PRRC2B: variants seen among roughly 807,000 people sequenced by gnomAD.
PRRC2B encodes the protein proline rich coiled-coil 2B.
PRRC2B carries 68 observed loss-of-function variants against 242.3 expected under a neutral mutation model. The ratio of observed to expected loss-of-function variants is 0.28; its 90% CI spans 0.23 to 0.34. PRRC2B has a LOEUF of 0.34. Among genes scored for constraint, PRRC2B ranks in the 10% least tolerant of loss-of-function variants. The pLI is 1.00. For synonymous variants in PRRC2B, 1,228 were observed against 1,173.6 expected (o/e 1.05, Z -0.95); for missense variants, 2,835 against 2,954.8 (o/e 0.96, Z 0.94).
At chr9:131,389,915 G>GTTTTTT (rs1291046977), upstream of PRRC2B, among the ~76,000 whole-genome samples, 45 of 93,466 alleles carry the variant, frequency 4.8e-4, 5 homozygotes, top group Non-Finnish European at 6.2e-4. Flanking sequence ...GAACATGGTT[G>GTTTTTT]TTTTTTTTTT....
chr9:131,427,201 A>G (rs1376347196), intron 1 of PRRC2B, among the ~76,000 whole-genome samples: 1 of 152,230 alleles, frequency 6.6e-6, no homozygotes, highest in Non-Finnish European at 1.5e-5. Flanking sequence ...AATGAATGAA[A>G]GGATGGTTTG....
intron 1 of PRRC2B, among the ~76,000 whole-genome samples, chr9:131,422,961 T>C (rs533371840): frequency 4.6e-5 from 7 of 152,336 alleles, no homozygotes; most frequent in Admixed American, 3.9e-4. Flanking sequence ...CAGAATGCTC[T>C]AGCTCCCCGT....
chr9:131,470,269 G>T (rs921489416), intron 13 of PRRC2B, among the ~76,000 whole-genome samples: 2 of 152,102 alleles, frequency 1.3e-5, no homozygotes, highest in South Asian at 2.1e-4. Flanking sequence ...GGTGGAGAGC[G>T]GTGGAGAACC....
chr9:131,479,176 TGG>T (rs1943789152), intron 18 of PRRC2B, 74 bp from the exon 19 acceptor site: 34 of 1,479,494 alleles, frequency 2.3e-5, no homozygotes, highest in Non-Finnish European at 3.2e-5. Context: ...TTTTGGTACC[TGG>T]GATACTTATC....
At chr9:131,428,326 T>A (rs1041337367) in intron 1 of PRRC2B, among the ~76,000 whole-genome samples, 2 of 152,092 alleles carry the variant, frequency 1.3e-5, no homozygotes, top group African/African-American at 4.8e-5. Context: ...GCTCAAGTGA[T>A]CCTCCTGCCT....
rs532741381 is a variant in PRRC2B, at chr9:131,458,877, CAT to C, written c.1212-286_1212-285del. ...CAGAGCCCAGGGCCATCCTGGGCCA[CAT>C]GTGGTTGGACAAGCTTGCTTTAAAG... On this transcript the variant is annotated intron_variant, in intron 10 of 31. Coordinates refer to ENST00000683519, the MANE Select transcript of PRRC2B (RefSeq NM_013318.4). 1.8e-3 allele frequency among the ~76,000 whole-genome samples: 276 copies of C among 152,288 alleles called. 2 individuals carry two copies. The highest frequency in any genetic ancestry group is 6.3e-3 in the African/African-American group (261 of 41,558).
intron 1 of PRRC2B, among the ~76,000 whole-genome samples, chr9:131,417,834 G>T (rs1488362276): frequency 6.6e-6 from 1 of 152,182 alleles, no homozygotes; most frequent in Admixed American, 6.5e-5. Flanking sequence ...TTATGTACAC[G>T]GGTGTGGGAG....
At chr9:131,492,632 G>A (rs1252297573) in intron 30 of PRRC2B, among the ~76,000 whole-genome samples, 1 of 152,208 alleles carries the variant, frequency 6.6e-6, no homozygotes, top group Admixed American at 6.5e-5. Context: ...GGGGAGGAGC[G>A]TGGCCTTTCC....
intron 31 of PRRC2B, among the ~76,000 whole-genome samples, chr9:131,495,089 G>A (rs762459358): frequency 7.9e-5 from 12 of 152,150 alleles, no homozygotes; most frequent in Non-Finnish European, 1.5e-4. Context: ...TAGGGGTCAT[G>A]AAAGTTGTGT....
intron 10 of PRRC2B, 73 bp downstream of exon 10, chr9:131,455,239 C>A: frequency 9.2e-7 from 1 of 1,085,532 alleles, no homozygotes; most frequent in Non-Finnish European, 1.4e-6. Context: ...AGAGCATTTC[C>A]CAGTTTCCAT....
chr9:131,467,780 G>A lies in PRRC2B; in HGVS notation c.1911+27G>A, dbSNP rs373128971. ...TAAACAGATGAGATGGTAAAAGACT[G>A]TGATAAACAGGCCTGAGTGCCGAGC... On this transcript the variant is annotated intron_variant, in intron 13 of 31. Transcript: ENST00000683519. 13 of 1,610,404 alleles carry A rather than the reference G, an allele frequency of 8.1e-6. No individual in the cohort carries two copies. The African/African-American group carries it at 1.6e-4, about 20-fold the overall frequency.
At chr9:131,415,877 G>A (rs1216034585) in intron 1 of PRRC2B, among the ~76,000 whole-genome samples, 9 of 152,076 alleles carry the variant, frequency 5.9e-5, no homozygotes, top group Non-Finnish European at 1.2e-4. Flanking sequence ...GGCCTTTGAA[G>A]TCTCGGCTAC....
intron 28 of PRRC2B, among the ~76,000 whole-genome samples, chr9:131,488,663 CAGT>C (rs1283753181): frequency 1.3e-5 from 2 of 152,284 alleles, no homozygotes; most frequent in South Asian, 2.1e-4. Context: ...TGCCCTTGTG[CAGT>C]AGGGTGTGGA....
rs1351472297 is a variant in PRRC2B, at chr9:131,495,779, G to A, written c.6595G>A (p.Val2199Met). 8.1e-6 allele frequency: 13 copies of A among 1,612,694 alleles called. No homozygotes were observed. The highest frequency in any genetic ancestry group is 2.7e-5 in the African/African-American group (2 of 74,920). Residue 2199 changes from valine to methionine, a missense_variant, in exon 32 of 32, where the codon GTG (valine) becomes ATG (methionine). Coordinates refer to ENST00000683519, the MANE Select transcript of PRRC2B (RefSeq NM_013318.4). ...GGATGAGAAACCCAGCCTGGGAGCC[G>A]TGAAGCTGCAGGAGGCCCCCTCGGC... ...RVDEKPSLGA[V>M]KLQEAPSAAS...
chr9:131,397,810 A>G (rs970341082), intron 1 of PRRC2B, among the ~76,000 whole-genome samples: 2 of 152,148 alleles, frequency 1.3e-5, no homozygotes, highest in Middle Eastern at 3.2e-3. Flanking sequence ...AATAGAGCCT[A>G]TCTATACTAG....
chr9:131,412,136 C>T (rs1021243864), intron 1 of PRRC2B, among the ~76,000 whole-genome samples: 17 of 152,186 alleles, frequency 1.1e-4, no homozygotes, highest in African/African-American at 3.6e-4. Context: ...AATATAGTCA[C>T]TTTTAGAACA....
At chr9:131,414,908 G>A (rs1837605214) in intron 1 of PRRC2B, among the ~76,000 whole-genome samples, 1 of 151,952 alleles carries the variant, frequency 6.6e-6, no homozygotes, top group African/African-American at 2.4e-5. Context: ...TCTGGGACTT[G>A]TTTTTGTCCC....
intron 16 of PRRC2B, among the ~76,000 whole-genome samples, chr9:131,477,258 A>T (rs554783795): frequency 6.6e-6 from 1 of 151,826 alleles, no homozygotes; most frequent in Non-Finnish European, 1.5e-5. Context: ...TCACACCTCC[A>T]CTCTCCTTAG....
At chr9:131,426,256 T>G (rs1837971622) in intron 1 of PRRC2B, among the ~76,000 whole-genome samples, 1 of 148,792 alleles carries the variant, frequency 6.7e-6, no homozygotes, top group Non-Finnish European at 1.5e-5. Context: ...GAGAATTGCT[T>G]GAATCTGGGA....
Sources: gnomAD v4.1 joint callset for allele counts (sites outside exome capture counted in the v4.1 genomes callset) on GRCh38, gnomAD v4.1.1 for gene constraint, MANE v1.5 for transcripts, NCBI Gene and HGNC (gene_info 2026-07-23, HGNC 2026-07-21) for gene names.